The following CACNG6 variants were observed in gnomAD, a reference collection of about 807,000 sequenced individuals.
CACNG6 encodes the protein voltage-dependent calcium channel gamma-6 subunit.
Under a neutral mutation model 23.9 loss-of-function variants are expected in CACNG6, and 21 were observed. The ratio of observed to expected loss-of-function variants is 0.88; its 90% CI spans 0.62 to 1.26. CACNG6 has a LOEUF of 1.26. Ranked by LOEUF, CACNG6 falls within the 50% of genes most tolerant of loss-of-function variation. The pLI is 0.00. For missense variants in CACNG6, 340 were observed against 352.9 expected (o/e 0.96, Z 0.29); for synonymous variants, 182 against 168.9 (o/e 1.08, Z -0.60).
chr19:54,000,605 G>A lies in CACNG6; in HGVS notation c.544+834G>A, dbSNP rs551194594. Reference sequence around the variant, plus strand: ...TTTACTTATTTATTTTTGAGACAGAGTCTCCCTTTGTCTCCCAGGCTGGAG... The same window carrying A: ...TTTACTTATTTATTTTTGAGACAGAATCTCCCTTTGTCTCCCAGGCTGGAG... On this transcript the variant is annotated intron_variant, in intron 3 of 3. Coordinates refer to ENST00000252729, the MANE Select transcript of CACNG6 (RefSeq NM_145814.2). 4.6e-5 allele frequency among the ~76,000 whole-genome samples: 7 copies of A among 152,246 alleles called. No individual in the cohort carries two copies. The South Asian group carries it at 1.5e-3, about 32-fold the overall frequency.
intron 3 of CACNG6, among the ~76,000 whole-genome samples, chr19:54,010,760 T>G (rs2069697938): frequency 6.6e-6 from 1 of 151,898 alleles, no homozygotes; most frequent in South Asian, 2.1e-4. Flanking sequence ...AATTTTTTTT[T>G]TGTAGAGATG....
chr19:54,011,221 T>TACACACACACACACACAC (rs373872212), intron 3 of CACNG6, among the ~76,000 whole-genome samples: 2 of 101,100 alleles, frequency 2.0e-5, no homozygotes, highest in African/African-American at 1.0e-4. Context: ...TATATATATA[T>TACACACACACACACACAC]ATATATACAC....
intron 3 of CACNG6, among the ~76,000 whole-genome samples, chr19:54,002,846 C>G (rs1304187948): frequency 1.3e-5 from 2 of 152,070 alleles, no homozygotes; most frequent in African/African-American, 2.4e-5. Flanking sequence ...TTTGAGGTCT[C>G]CCTAAATAAA....
At chr19:54,002,285 T>TTTTTTG in intron 3 of CACNG6, among the ~76,000 whole-genome samples, 1 of 121,994 alleles carries the variant, frequency 8.2e-6, no homozygotes, top group Admixed American at 8.7e-5. Flanking sequence ...GTTTTTTTTG[T>TTTTTTG]TTTTTTTTTT....
chr19:54,011,949 A>T lies in CACNG6; in HGVS notation c.545-2A>T, dbSNP rs1349286007. The T allele has an allele frequency of 6.7e-7, 1 of 1,498,240 alleles. No individual in the cohort carries two copies. The highest frequency in any genetic ancestry group is 1.4e-5 in the African/African-American group (1 of 70,064). 92.8% of individuals were successfully genotyped at this position (1,498,240 alleles called of 1,614,324 possible). On this transcript the variant is annotated splice_acceptor_variant, in intron 3 of 3. Transcript: ENST00000252729. LOFTEE classifies it high-confidence loss of function. ...GACTGCGAGCTGTCCTCTCTCCCGC[A>T]GGCCTGCTGCTCTTGGTGAGCCTGG...
chr19:54,010,717 A>G (rs430176), intron 3 of CACNG6, among the ~76,000 whole-genome samples: 113,476 of 151,750 alleles, frequency 0.75, 43,115 homozygotes, highest in East Asian at 0.95. Context: ...TGGGACTACA[A>G]GCGTGCACCA....
intron 3 of CACNG6, among the ~76,000 whole-genome samples, chr19:54,010,417 T>G (rs552113654): frequency 6.6e-6 from 1 of 152,264 alleles, no homozygotes; most frequent in South Asian, 2.1e-4. Context: ...CCCAAAGTGC[T>G]GGGATTGTAG....
intron 3 of CACNG6, among the ~76,000 whole-genome samples, chr19:54,000,536 C>T (rs1457822628): frequency 1.3e-5 from 2 of 152,164 alleles, no homozygotes; most frequent in African/African-American, 2.4e-5. Flanking sequence ...AGTTCAAATC[C>T]TTACAACAGC....
chr19:53,997,350 G>A (rs1217146668), intron 1 of CACNG6, among the ~76,000 whole-genome samples: 2 of 151,926 alleles, frequency 1.3e-5, no homozygotes, highest in South Asian at 2.1e-4. Context: ...CCATTAGATG[G>A]ACACCTGACT....
chr19:54,002,191 G>A (rs1298921917), intron 3 of CACNG6, among the ~76,000 whole-genome samples: 1 of 151,070 alleles, frequency 6.6e-6, no homozygotes, highest in Non-Finnish European at 1.5e-5. Flanking sequence ...AGGCTCAAGT[G>A]ATTGTCCTCC....
At chr19:53,993,267 G>T in intron 1 of CACNG6, 59 bp downstream of exon 1, 1 of 1,468,978 alleles carries the variant, frequency 6.8e-7, no homozygotes, top group Non-Finnish European at 9.0e-7. Flanking sequence ...AGGGAGAGGG[G>T]CCCGTGTCCG....
chr19:54,004,465 G>T (rs138048801), intron 3 of CACNG6, among the ~76,000 whole-genome samples: 3 of 150,480 alleles, frequency 2.0e-5, no homozygotes, highest in Admixed American at 6.7e-5. Context: ...TGATCTGCCC[G>T]CCTCAGCCTC....
chr19:54,011,245 C>CACACACAA (rs1303960028), intron 3 of CACNG6, among the ~76,000 whole-genome samples: 3 of 132,092 alleles, frequency 2.3e-5, no homozygotes, highest in South Asian at 2.4e-4. Flanking sequence ...CACACACACA[C>CACACACAA]AAAAATTAGC....
At chr19:54,007,597 C>G (rs2069661715) in intron 3 of CACNG6, among the ~76,000 whole-genome samples, 1 of 152,096 alleles carries the variant, frequency 6.6e-6, no homozygotes, top group South Asian at 2.1e-4. Flanking sequence ...TTGAATGAAT[C>G]AAAGAATGCA....
Position 54,012,022 on chromosome 19 carries a change from G to C in CACNG6, c.616G>C (p.Glu206Gln). The part of the protein sequence containing the change: ...VRALLQRVSP[E>Q]PPPAPRLTYE... Reference sequence around the variant, plus strand: ...GGCCCTGCTGCAGAGAGTCAGCCCGGAGCCTCCCCCGGCCCCACGCCTCAC... The same window carrying C: ...GGCCCTGCTGCAGAGAGTCAGCCCGCAGCCTCCCCCGGCCCCACGCCTCAC... Residue 206 changes from glutamate (E) to glutamine (Q), a missense_variant, in exon 4 of 4, where the codon GAG becomes CAG. By Grantham distance (29) the Glu-to-Gln change is conservative. Coordinates refer to ENST00000252729, the MANE Select transcript of CACNG6 (RefSeq NM_145814.2). 1 of 1,605,858 alleles carries C rather than the reference G, an allele frequency of 6.2e-7. No homozygotes were observed. Among genetic ancestry groups the C allele is most frequent in the Non-Finnish European group, 8.5e-7 (1 of 1,176,654 alleles).
chr19:53,995,934 T>C (rs2145954252), intron 1 of CACNG6, among the ~76,000 whole-genome samples: 1 of 152,328 alleles, frequency 6.6e-6, no homozygotes, highest in East Asian at 1.9e-4. Flanking sequence ...AGTGCTGGGA[T>C]GACAGGCATG....
At chr19:54,003,813 T>C (rs1483806863) in intron 3 of CACNG6, among the ~76,000 whole-genome samples, 1 of 152,182 alleles carries the variant, frequency 6.6e-6, no homozygotes, top group Non-Finnish European at 1.5e-5. Flanking sequence ...TTTAACCTCC[T>C]CAAGTCCATT....
chr19:54,006,976 C>A lies in CACNG6; in HGVS notation c.545-4975C>A, dbSNP rs528260048. Among the ~76,000 whole-genome samples the A allele has an allele frequency of 1.1e-4, 17 of 151,758 alleles. No individual in the cohort carries two copies. The South Asian group carries it at 3.3e-3, about 30-fold the overall frequency. On this transcript the variant is annotated intron_variant, in intron 3 of 3. Transcript: ENST00000252729. ...AATTTTTTTTATCTCATAAGGACAC[C>A]AGTCACATTGGATTAGGGTTCCTTC...
At chr19:53,999,590 C>G in intron 2 of CACNG6, 44 bp from the exon 3 acceptor site, 1 of 1,602,100 alleles carries the variant, frequency 6.2e-7, no homozygotes, top group East Asian at 2.2e-5. Context: ...TCCTCATTCC[C>G]TACATCCCAT....
Sources: allele counts gnomAD v4.1 joint callset (sites outside exome capture counted in the v4.1 genomes callset), GRCh38; gene constraint gnomAD v4.1.1; transcripts MANE v1.5; gene names NCBI Gene and HGNC (gene_info 2026-07-23, HGNC 2026-07-21).